CDH18: variants seen among roughly 807,000 people sequenced by gnomAD.
The protein encoded by CDH18 is cadherin-18.
Under a neutral mutation model 67.9 loss-of-function variants are expected in CDH18, and 31 were observed. The observed-to-expected ratio is 0.46, with a 90% CI of 0.34 to 0.62. The LOEUF (loss-of-function observed/expected upper bound fraction) is 0.62, where lower values mean the gene tolerates loss of function less well. Ranked by LOEUF, CDH18 falls within the 20% of genes least tolerant of loss-of-function variation. CDH18 has a pLI of 0.01. For missense variants in CDH18, 890 were observed against 975.5 expected (o/e 0.91, Z 1.17); for synonymous variants, 362 against 347.2 (o/e 1.04, Z -0.48).
chr5:19,712,946 G>A (rs1764896031), intron 5 of CDH18, among the ~76,000 whole-genome samples: 1 of 151,676 alleles, frequency 6.6e-6, no homozygotes, highest in Non-Finnish European at 1.5e-5. Context: ...AAATTGCTTG[G>A]TAATTATATA....
At chr5:19,712,654 TATACAC>T (rs754180894) in intron 5 of CDH18, among the ~76,000 whole-genome samples, 1,545 of 99,404 alleles carry the variant, frequency 0.016, 23 homozygotes, top group African/African-American at 0.042. Flanking sequence ...TATATATATA[TATACAC>T]ACACACACAC....
At chr5:20,450,331 A>C (rs1750343930) in intron 1 of CDH18, among the ~76,000 whole-genome samples, 1 of 152,124 alleles carries the variant, frequency 6.6e-6, no homozygotes, top group Non-Finnish European at 1.5e-5. Context: ...TGGGCAACAA[A>C]AGAGAAACTC....
intron 2 of CDH18, among the ~76,000 whole-genome samples, chr5:19,934,442 T>C (rs549719770): frequency 6.6e-6 from 1 of 151,550 alleles, no homozygotes; most frequent in South Asian, 2.1e-4. Flanking sequence ...GTTATATTTA[T>C]GCACAAGCCT....
At chr5:19,992,450 A>C (rs1579976426), upstream of CDH18, among the ~76,000 whole-genome samples, 1 of 135,610 alleles carries the variant, frequency 7.4e-6, no homozygotes, top group Admixed American at 7.3e-5. Flanking sequence ...TGCCAGACTT[A>C]AAAAAAAAAA....
At chr5:20,574,868 C>T (rs1036091527) in intron 1 of CDH18, among the ~76,000 whole-genome samples, 1 of 152,128 alleles carries the variant, frequency 6.6e-6, no homozygotes, top group African/African-American at 2.4e-5. Context: ...TAGCTCAATA[C>T]TTTCTTAAGC....
intron 1 of CDH18, among the ~76,000 whole-genome samples, chr5:20,286,586 G>A (rs755623506): frequency 2.0e-5 from 3 of 151,606 alleles, no homozygotes; most frequent in Non-Finnish European, 3.0e-5. Context: ...GGGATTCCAG[G>A]TTGAAAAAAT....
At position 19,508,551 on chromosome 5, in the gene CDH18, C is replaced by G. The variant is rs145039827; in HGVS notation, c.1513-5442G>C. Among the ~76,000 whole-genome samples, 410 of 149,796 alleles carry G rather than the reference C, an allele frequency of 2.7e-3. 1 individual carries two copies. The highest frequency in any genetic ancestry group is 9.7e-3 in the African/African-American group (393 of 40,478). On this transcript the variant is annotated intron_variant, in intron 10 of 12. Coordinates refer to ENST00000382275, the MANE Select transcript of CDH18 (RefSeq NM_004934.5). ...AAATAAATGATATTACAAATTTAGT[C>G]TACATTACAAAAGCAAAGGGTGAAA...
chr5:19,903,156 G>A (rs1421682344), intron 2 of CDH18, among the ~76,000 whole-genome samples: 1 of 151,534 alleles, frequency 6.6e-6, no homozygotes, highest in African/African-American at 2.4e-5. Context: ...TATAAATCCA[G>A]TCATATAATG....
chr5:19,863,584 A>G (rs1785133168), intron 2 of CDH18, among the ~76,000 whole-genome samples: 2 of 152,152 alleles, frequency 1.3e-5, no homozygotes, highest in Admixed American at 1.3e-4. Flanking sequence ...CTTGACCCTG[A>G]ACTTTCTTGT....
rs76858375 is a variant in CDH18, at chr5:20,047,924, G to A, written c.-517-55910C>T. 0.025 allele frequency among the ~76,000 whole-genome samples: 3,800 copies of A among 151,830 alleles called. 227 individuals are homozygous for A. In the East Asian group the frequency reaches 0.27, roughly 11 times the overall value. On this transcript the variant is annotated intron_variant, in intron 2 of 14. Coordinates refer to the CDH18 transcript ENST00000507958. The stretch of plus-strand genomic sequence containing the variant: ...TTATCTAAAACTAAGAATGTTTAGT[G>A]AGACTTTGTTTCAGGGTCACTTTCA...
At chr5:19,555,958 G>A (rs1738336648) in intron 8 of CDH18, among the ~76,000 whole-genome samples, 1 of 152,166 alleles carries the variant, frequency 6.6e-6, no homozygotes, top group Non-Finnish European at 1.5e-5. Context: ...ACTTTTTGAA[G>A]ACACTCCCCA....
chr5:20,008,297 T>C (rs1281170312), intron 2 of CDH18, among the ~76,000 whole-genome samples: 2 of 152,106 alleles, frequency 1.3e-5, no homozygotes, highest in African/African-American at 4.8e-5. Flanking sequence ...ATCACTCATG[T>C]TTGCTATTTT....
At position 20,219,044 on chromosome 5, in the gene CDH18, G is replaced by GA. The variant is rs1186399716; in HGVS notation, c.-518+36399dup. On this transcript the variant is annotated intron_variant, in intron 2 of 14. Coordinates refer to the CDH18 transcript ENST00000507958. ...AATTAGAGCAGATATAAATAAAATT[G>GA]AAAAAAAATCAATGAAATAAAAAGC... Among the ~76,000 whole-genome samples, 13 of 149,522 alleles carry GA rather than the reference G, an allele frequency of 8.7e-5. No individual in the cohort carries two copies. The East Asian group carries it at 2.0e-3, about 23-fold the overall frequency.
intron 2 of CDH18, among the ~76,000 whole-genome samples, chr5:19,960,618 T>TATATACACGTGTATATGTATAC: frequency 7.4e-6 from 1 of 135,824 alleles, no homozygotes; most frequent in South Asian, 2.1e-4. Flanking sequence ...CACGTGTATA[T>TATATACACGTGTATATGTATAC]ATATACACGT....
intron 12 of CDH18, 67 bp from the exon 13 acceptor site, chr5:19,473,783 A>T: frequency 7.5e-7 from 1 of 1,327,924 alleles, no homozygotes; most frequent in Non-Finnish European, 1.0e-6. Flanking sequence ...AGATTTTACA[A>T]CAGCAATTTC....
At chr5:19,670,300 A>G (rs574469152) in intron 5 of CDH18, among the ~76,000 whole-genome samples, 1 of 152,300 alleles carries the variant, frequency 6.6e-6, no homozygotes, top group African/African-American at 2.4e-5. Flanking sequence ...TGTGGTTTTC[A>G]TATGAAAATT....
intron 1 of CDH18, among the ~76,000 whole-genome samples, chr5:20,476,426 T>G (rs1305370302): frequency 6.6e-6 from 1 of 152,146 alleles, no homozygotes; most frequent in Non-Finnish European, 1.5e-5. Context: ...TTGAAGACTT[T>G]TTTTGAATAA....
At chr5:19,779,419 TAGAC>T (rs978890569) in intron 3 of CDH18, among the ~76,000 whole-genome samples, 9 of 152,270 alleles carry the variant, frequency 5.9e-5, no homozygotes, top group African/African-American at 1.9e-4. Flanking sequence ...TTGTAACAAA[TAGAC>T]AGTAAAATAC....
chr5:19,898,261 C>T (rs1789559031), intron 2 of CDH18, among the ~76,000 whole-genome samples: 1 of 151,830 alleles, frequency 6.6e-6, no homozygotes, highest in Admixed American at 6.6e-5. Flanking sequence ...TTAAGAACAG[C>T]TTTTCAGTAT....
Sources: gnomAD v4.1 joint callset for allele counts (sites outside exome capture counted in the v4.1 genomes callset) on GRCh38, gnomAD v4.1.1 for gene constraint, MANE v1.5 for transcripts, NCBI Gene and HGNC (gene_info 2026-07-23, HGNC 2026-07-21) for gene names.